Variants in RAB31 observed in about 807,000 individuals in gnomAD.
The protein encoded by RAB31 is RAB31, member RAS oncogene family.
Under a neutral mutation model 25.6 loss-of-function variants are expected in RAB31, and 21 were observed. The observed-to-expected ratio is 0.82, with a 90% CI of 0.58 to 1.18. The LOEUF is 1.18. Ranked by LOEUF, RAB31 falls within the 50% of genes most tolerant of loss-of-function variation. The pLI is 0.00. For synonymous variants in RAB31, 87 were observed against 84.0 expected (o/e 1.04, Z -0.20); for missense variants, 196 against 250.1 (o/e 0.78, Z 1.46).
rs1019507217 is a variant in RAB31, at chr18:9,748,854, G to A, written c.40-26424G>A. Among the ~76,000 whole-genome samples, 4 of 151,494 alleles carry A rather than the reference G, an allele frequency of 2.6e-5. No homozygotes were observed. The East Asian group carries it at 7.7e-4, about 29-fold the overall frequency. ...TGCAGTGAGCCGAGATTGCACCACTGCACTCCAGCCTGGGCGACAGAGCGA... is the reference window on the plus strand; with the variant it reads ...TGCAGTGAGCCGAGATTGCACCACTACACTCCAGCCTGGGCGACAGAGCGA... On this transcript the variant is annotated intron_variant, in intron 1 of 6. Coordinates refer to ENST00000578921, the MANE Select transcript of RAB31 (RefSeq NM_006868.4).
At chr18:9,799,739 T>A (rs1486303693) in intron 3 of RAB31, among the ~76,000 whole-genome samples, 1 of 152,222 alleles carries the variant, frequency 6.6e-6, no homozygotes, top group Admixed American at 6.5e-5. Context: ...ATCTCATTCA[T>A]TCAGTGGTGA....
At chr18:9,728,504 C>T (rs1201921774) in intron 1 of RAB31, among the ~76,000 whole-genome samples, 1 of 152,070 alleles carries the variant, frequency 6.6e-6, no homozygotes, top group Non-Finnish European at 1.5e-5. Context: ...TTTTCTACAC[C>T]CTTACAACAC....
chr18:9,726,492 C>T (rs538095681), intron 1 of RAB31, among the ~76,000 whole-genome samples: 29 of 152,296 alleles, frequency 1.9e-4, no homozygotes, highest in Non-Finnish European at 3.2e-4. Flanking sequence ...ATGCCTCTAA[C>T]GGGGAACCTT....
At chr18:9,777,043 T>A (rs2145491740) in intron 2 of RAB31, among the ~76,000 whole-genome samples, 1 of 152,054 alleles carries the variant, frequency 6.6e-6, no homozygotes, top group Middle Eastern at 3.4e-3. Context: ...ATTGCAAAAT[T>A]TAAAAAAATA....
intron 5 of RAB31, among the ~76,000 whole-genome samples, chr18:9,828,697 T>C (rs1337197807): frequency 1.3e-5 from 2 of 152,230 alleles, no homozygotes; most frequent in Non-Finnish European, 2.9e-5. Flanking sequence ...CCAGTCTTGA[T>C]AGTGAGCCAC....
At chr18:9,767,100 A>G (rs746552637) in intron 1 of RAB31, among the ~76,000 whole-genome samples, 5 of 152,224 alleles carry the variant, frequency 3.3e-5, no homozygotes, top group Admixed American at 6.5e-5. Context: ...TGATTCCAAG[A>G]CCAGAAGGAG....
At chr18:9,857,935 T>C in intron 6 of RAB31, among the ~76,000 whole-genome samples, 1 of 151,794 alleles carries the variant, frequency 6.6e-6, no homozygotes, top group Non-Finnish European at 1.5e-5. Flanking sequence ...AAGGTTGAGG[T>C]GGGAGGATCC....
At chr18:9,711,584 C>T (rs2068017551) in intron 1 of RAB31, among the ~76,000 whole-genome samples, 1 of 152,182 alleles carries the variant, frequency 6.6e-6, no homozygotes, top group African/African-American at 2.4e-5. Flanking sequence ...CTATGTTGCC[C>T]AGGCTCTTTC....
intron 6 of RAB31, among the ~76,000 whole-genome samples, chr18:9,858,744 A>C (rs1161590330): frequency 6.6e-6 from 1 of 152,222 alleles, no homozygotes; most frequent in Non-Finnish European, 1.5e-5. Flanking sequence ...AGTGTTAATA[A>C]ATGACACTGC....
chr18:9,845,076 A>G (rs915042179), intron 5 of RAB31, among the ~76,000 whole-genome samples: 9 of 152,170 alleles, frequency 5.9e-5, no homozygotes, highest in African/African-American at 1.4e-4. Flanking sequence ...AAGTCCAGAT[A>G]TGCCATCCTG....
intron 1 of RAB31, among the ~76,000 whole-genome samples, chr18:9,747,829 A>G (rs1264608326): frequency 3.3e-5 from 5 of 152,236 alleles, no homozygotes; most frequent in African/African-American, 1.2e-4. Context: ...TGAGTTGTTC[A>G]CTTTAAAATG....
chr18:9,748,447 A>G (rs2068216549), intron 1 of RAB31, among the ~76,000 whole-genome samples: 1 of 152,172 alleles, frequency 6.6e-6, no homozygotes, highest in African/African-American at 2.4e-5. Flanking sequence ...TTGAGGCTAC[A>G]GTAAGCCATG....
At position 9,814,109 on chromosome 18, in the gene RAB31, A is replaced by G. The variant is rs2068589105; in HGVS notation, c.273+18A>G. On this transcript the variant is annotated intron_variant, in intron 4 of 6. Transcript: ENST00000578921. ...CCAAGCAGGTAAGAATGTCTCCTTC[A>G]GAATTTAGATGTCATTTATGGTGGT... The G allele has an allele frequency of 2.0e-6, 3 of 1,524,062 alleles. No individual in the cohort carries two copies. In the South Asian group the frequency reaches 3.5e-5, roughly 18 times the overall value. The allele number at this position is 1,524,062 out of a possible 1,614,324, so 94.4% of individuals were successfully genotyped here.
At chr18:9,710,041 T>C (rs1169861045) in intron 1 of RAB31, among the ~76,000 whole-genome samples, 2 of 152,210 alleles carry the variant, frequency 1.3e-5, no homozygotes, top group African/African-American at 4.8e-5. Flanking sequence ...TCTTTTCTCT[T>C]GACTTTTACT....
At chr18:9,738,707 C>T (rs1409666060) in intron 1 of RAB31, among the ~76,000 whole-genome samples, 1 of 152,134 alleles carries the variant, frequency 6.6e-6, no homozygotes, top group Admixed American at 6.5e-5. Flanking sequence ...GTTCTGTGAG[C>T]CACTCTAGCA....
chr18:9,737,863 A>T (rs368328959), intron 1 of RAB31, among the ~76,000 whole-genome samples: 1 of 152,188 alleles, frequency 6.6e-6, no homozygotes, highest in African/African-American at 2.4e-5. Context: ...TCTAACAGAT[A>T]CCCCACCCCC....
intron 1 of RAB31, among the ~76,000 whole-genome samples, chr18:9,724,275 AAAAAAAAAAAAAC>A: frequency 8.3e-6 from 1 of 120,768 alleles, no homozygotes; most frequent in Non-Finnish European, 1.7e-5. Context: ...CGTCTCAAAA[AAAAAAAAAAAAAC>A]AAAAAAAAAA....
chr18:9,777,351 A>G (rs2068377369), intron 2 of RAB31, among the ~76,000 whole-genome samples: 1 of 152,170 alleles, frequency 6.6e-6, no homozygotes. Context: ...AAATAAATAA[A>G]TCCAAAATTC....
At chr18:9,738,665 A>T (rs1305930422) in intron 1 of RAB31, among the ~76,000 whole-genome samples, 1 of 152,148 alleles carries the variant, frequency 6.6e-6, no homozygotes, top group Non-Finnish European at 1.5e-5. Context: ...CCTTTATAAT[A>T]AACTGGTGAA....
Sources: gnomAD v4.1 joint callset for allele counts (sites outside exome capture counted in the v4.1 genomes callset) on GRCh38, gnomAD v4.1.1 for gene constraint, MANE v1.5 for transcripts, NCBI Gene and HGNC (gene_info 2026-07-23, HGNC 2026-07-21) for gene names.